SMARCA2: variants seen among roughly 807,000 people sequenced by gnomAD.
The protein encoded by SMARCA2 is SWI/SNF-related matrix-associated actin-dependent regulator of chromatin subfamily A member 2.
SMARCA2 carries 61 observed loss-of-function variants against 199.8 expected under a neutral mutation model. That is an observed-to-expected ratio of 0.31 (90% CI 0.25 to 0.38). The LOEUF is 0.38. Among genes scored for constraint, SMARCA2 ranks in the 10% least tolerant of loss-of-function variants. The pLI is 1.00. For missense variants in SMARCA2, 1,344 were observed against 2,012.2 expected, an observed-to-expected ratio of 0.67 and a Z score of 6.35; for synonymous variants, 935 against 732.0, an observed-to-expected ratio of 1.28 and a Z score of -4.48.
At chr9:2,148,409 A>C (rs1160663089) in intron 27 of SMARCA2, among the ~76,000 whole-genome samples, 2 of 151,496 alleles carry the variant, frequency 1.3e-5, no homozygotes, top group African/African-American at 4.8e-5. Flanking sequence ...TTTATTGACT[A>C]TCAGTTGTAT....
At position 2,029,202 on chromosome 9, in the gene SMARCA2, G is replaced by A; in HGVS notation, c.180G>A (p.Met60Ile). 1 of 1,613,172 alleles carries A rather than the reference G, an allele frequency of 6.2e-7. No individual in the cohort carries two copies. Among genetic ancestry groups the A allele is most frequent in the East Asian group, 2.2e-5 (1 of 44,870 alleles). The part of the protein sequence containing the change: ...PPSVSHPMPT[M>I]GSTDFPQEGM... The stretch of plus-strand genomic sequence containing the variant: ...GTGTCTCCCATCCTATGCCGACGAT[G>A]GGGTCCACAGACTTCCCACAGGAAG... The change falls in exon 2 of 34, where the codon ATG (methionine) becomes ATA (isoleucine). Residue 60 changes from methionine (M) to isoleucine (I), a missense_variant. Met to Ile is a conservative substitution (Grantham distance 10). Transcript: ENST00000349721.
At chr9:2,138,872 T>C (rs1290293992) in intron 27 of SMARCA2, among the ~76,000 whole-genome samples, 2 of 152,118 alleles carry the variant, frequency 1.3e-5, no homozygotes, top group Non-Finnish European at 2.9e-5. Flanking sequence ...AGAACTCAGC[T>C]CTTAGGAACT....
intron 25 of SMARCA2, among the ~76,000 whole-genome samples, chr9:2,117,489 G>C (rs1323309121): frequency 6.6e-6 from 1 of 152,076 alleles, no homozygotes; most frequent in African/African-American, 2.4e-5. Context: ...TGATTTTTTT[G>C]TTGTTTATAC....
chr9:2,109,894 G>A (rs1256431523), intron 23 of SMARCA2, among the ~76,000 whole-genome samples: 1 of 152,150 alleles, frequency 6.6e-6, no homozygotes, highest in Non-Finnish European at 1.5e-5. Flanking sequence ...GTGTGTGTGA[G>A]AGTGAAAGAG....
At chr9:2,179,524 A>T (rs569534860) in intron 29 of SMARCA2, among the ~76,000 whole-genome samples, 2 of 152,124 alleles carry the variant, frequency 1.3e-5, no homozygotes, top group South Asian at 4.2e-4. Flanking sequence ...AGCATAGAGA[A>T]CTCTGGACTT....
In SMARCA2 at chr9:2,170,980, G is replaced by C. The variant is rs1256883166; in HGVS notation, c.4253+508G>C. On this transcript the variant is annotated intron_variant, in intron 29 of 33. Coordinates refer to ENST00000349721, the MANE Select transcript of SMARCA2 (RefSeq NM_003070.5). The surrounding 1 kb of genome is among the most constrained non-coding windows in gnomAD (Gnocchi z 4.7). ...GCAATTGCTGAGTTGTCTCTTGTTT[G>C]TGTGATGGGTTGGGTTTCAGGGTGT... Among the ~76,000 whole-genome samples, 1 of 152,204 alleles carries C rather than the reference G, an allele frequency of 6.6e-6. No individual in the cohort carries two copies. The highest frequency in any genetic ancestry group is 1.5e-5 in the Non-Finnish European group (1 of 68,030).
At chr9:2,025,567 T>C (rs1421659155) in intron 1 of SMARCA2, among the ~76,000 whole-genome samples, 1 of 152,168 alleles carries the variant, frequency 6.6e-6, no homozygotes, top group Non-Finnish European at 1.5e-5. Context: ...GTCACCACCC[T>C]ATCTCTATTG....
chr9:2,036,245 C>T (rs1819327022), intron 3 of SMARCA2, among the ~76,000 whole-genome samples: 1 of 151,686 alleles, frequency 6.6e-6, no homozygotes, highest in African/African-American at 2.4e-5. Flanking sequence ...AGAATTGGCA[C>T]TTAGAAGTTC....
intron 23 of SMARCA2, among the ~76,000 whole-genome samples, chr9:2,107,902 A>G (rs7851702): frequency 0.29 from 44,394 of 151,932 alleles, 7,373 homozygotes; most frequent in African/African-American, 0.44. Context: ...GGCACCAAGC[A>G]TAAAGATGGA....
At position 2,114,240 on chromosome 9, in the gene SMARCA2, A is replaced by G. The variant is rs141402975; in HGVS notation, c.3457-1582A>G. Reference sequence around the variant, plus strand: ...CACCTTACATTCTCCTCTTTAGAAAATAATCTAATATAGATGGGTCCCAGC... The same window carrying G: ...CACCTTACATTCTCCTCTTTAGAAAGTAATCTAATATAGATGGGTCCCAGC... On this transcript the variant is annotated intron_variant, in intron 24 of 33. Coordinates refer to ENST00000349721, the MANE Select transcript of SMARCA2 (RefSeq NM_003070.5). Among the ~76,000 whole-genome samples the G allele has an allele frequency of 3.7e-4, 57 of 152,332 alleles. No homozygotes were observed. The East Asian group carries it at 0.011, about 29-fold the overall frequency.
chr9:2,061,027 G>C (rs1217486436), intron 9 of SMARCA2, 41 bp downstream of exon 9: 1 of 1,589,692 alleles, frequency 6.3e-7, no homozygotes. Flanking sequence ...AGGGTGTATG[G>C]GCAGGGATAA....
At chr9:2,125,461 A>T (rs1254855818) in intron 27 of SMARCA2, among the ~76,000 whole-genome samples, 1 of 151,552 alleles carries the variant, frequency 6.6e-6, no homozygotes, top group African/African-American at 2.4e-5. Context: ...TTATTACAGC[A>T]GACGGGACAA....
At chr9:2,120,436 T>C (rs541776265) in intron 26 of SMARCA2, among the ~76,000 whole-genome samples, 1 of 152,312 alleles carries the variant, frequency 6.6e-6, no homozygotes, top group South Asian at 2.1e-4. Flanking sequence ...CAAGGGGAGC[T>C]TGAAGTCTAG....
chr9:2,040,210 A>G, intron 4 of SMARCA2: 1 of 575,296 alleles, frequency 1.7e-6, no homozygotes, highest in Admixed American at 3.3e-5. Context: ...CACACACACA[A>G]GGTTAAGAAC....
intron 27 of SMARCA2, among the ~76,000 whole-genome samples, chr9:2,131,089 C>T (rs1248121948): frequency 6.6e-6 from 1 of 152,184 alleles, no homozygotes; most frequent in African/African-American, 2.4e-5. Flanking sequence ...TTAGTGATAT[C>T]CCTGAATTTA....
intron 27 of SMARCA2, chr9:2,157,754 A>G: frequency 5.1e-6 from 2 of 392,868 alleles, no homozygotes; most frequent in Non-Finnish European, 9.0e-6. Context: ...CTGTTTACCT[A>G]TTCATAATCA....
At chr9:2,127,217 C>T (rs978429894) in intron 27 of SMARCA2, among the ~76,000 whole-genome samples, 1 of 152,204 alleles carries the variant, frequency 6.6e-6, no homozygotes, top group Admixed American at 6.5e-5. Context: ...AGTTGCCAAC[C>T]TGCCTGCTTT....
At chr9:2,078,681 AC>A (rs1268418853) in intron 14 of SMARCA2, among the ~76,000 whole-genome samples, 1 of 152,132 alleles carries the variant, frequency 6.6e-6, no homozygotes, top group Non-Finnish European at 1.5e-5. Flanking sequence ...GCGGTAGCTC[AC>A]GCCTGTAATC....
At chr9:2,026,000 A>G (rs1818812691) in intron 1 of SMARCA2, among the ~76,000 whole-genome samples, 1 of 152,176 alleles carries the variant, frequency 6.6e-6, no homozygotes, top group Non-Finnish European at 1.5e-5. Flanking sequence ...GGCAGCAGGC[A>G]TCAAGTCACG....
Sources: allele counts gnomAD v4.1 joint callset (sites outside exome capture counted in the v4.1 genomes callset), GRCh38; gene constraint gnomAD v4.1.1; non-coding constraint Gnocchi (gnomAD v3.1); transcripts MANE v1.5; gene names NCBI Gene and HGNC (gene_info 2026-07-23, HGNC 2026-07-21).